SLC39A12: variants seen among roughly 807,000 people sequenced by gnomAD.
SLC39A12 encodes solute carrier family 39 member 12.
In SLC39A12, 63 loss-of-function variants were observed where a neutral mutation model predicts 71.1. That is an observed-to-expected ratio of 0.89 (90% CI 0.72 to 1.09). The LOEUF is 1.09. Ranked by LOEUF, SLC39A12 falls within the 50% of genes least tolerant of loss-of-function variation. The pLI, the probability that SLC39A12 is intolerant of heterozygous loss-of-function variation, is 0.00. For synonymous variants in SLC39A12, 351 were observed against 301.3 expected (o/e 1.16, Z -1.71); for missense variants, 892 against 812.6 (o/e 1.10, Z -1.19).
chr10:17,991,602 C>T (rs923924276), intron 8 of SLC39A12, among the ~76,000 whole-genome samples: 4 of 152,136 alleles, frequency 2.6e-5, no homozygotes, highest in Non-Finnish European at 5.9e-5. Flanking sequence ...TACTAATCAG[C>T]GTTTTGGATA....
chr10:17,953,593 A>C (rs1834464059), intron 2 of SLC39A12, 56 bp downstream of exon 2: 3 of 1,572,730 alleles, frequency 1.9e-6, no homozygotes, highest in Admixed American at 3.6e-5. Context: ...AAAGCAATGG[A>C]TTCTATAGGG....
In SLC39A12 at chr10:18,001,879, T is replaced by C. The variant is rs373695158; in HGVS notation, c.1759+1054T>C. Reference sequence around the variant, plus strand: ...AATGTACAAATTAAATTATGATGACTGTAGTCGTCCTGTTGTGCTATCAAA... The same window carrying C: ...AATGTACAAATTAAATTATGATGACCGTAGTCGTCCTGTTGTGCTATCAAA... On this transcript the variant is annotated intron_variant, in intron 11 of 12. Transcript: ENST00000377369. The C allele has an allele frequency of 7.9e-5, 12 of 152,286 alleles. No individual in the cohort carries two copies. In the East Asian group the frequency reaches 1.9e-3, roughly 24 times the overall value. The allele number at this position is 152,286 out of a possible 1,614,324, so 9.4% of individuals were successfully genotyped here.
At chr10:17,999,478 T>A (rs1835773758) in intron 10 of SLC39A12, among the ~76,000 whole-genome samples, 1 of 152,118 alleles carries the variant, frequency 6.6e-6, no homozygotes, top group Admixed American at 6.6e-5. Context: ...ACTACCAAAA[T>A]AAGTACTATG....
At position 18,000,756 on chromosome 10, in the gene SLC39A12, T is replaced by C. The variant is rs754818312; in HGVS notation, c.1690T>C (p.Ser564Pro). 4.3e-6 allele frequency: 7 copies of C among 1,614,074 alleles called. No homozygotes were observed. The Admixed American group carries it at 1.0e-4, about 23-fold the overall frequency. Residue 564 changes from serine to proline, a missense_variant, in exon 11 of 13, where the codon TCA (serine) becomes CCA (proline). By Grantham distance (74) the Ser-to-Pro change is moderately conservative (BLOSUM62 -1). Transcript: ENST00000377369. ...TGGCCTAGCCATAGGAGCAGCCTTCTCATCATCATCCGAGTCAGGAGTGAC... is the reference window on the plus strand; with the variant it reads ...TGGCCTAGCCATAGGAGCAGCCTTCCCATCATCATCCGAGTCAGGAGTGAC... ...ADGLAIGAAFSSSSESGVTTT... is the reference protein window; with the variant it reads ...ADGLAIGAAFPSSSESGVTTT...
chr10:18,035,911 G>A (rs923237844), intron 12 of SLC39A12, among the ~76,000 whole-genome samples: 5 of 152,158 alleles, frequency 3.3e-5, no homozygotes, highest in African/African-American at 1.2e-4. Flanking sequence ...CCTGCCGTGT[G>A]AGGTGTCAGT....
At chr10:18,022,693 G>T (rs1002447091) in intron 12 of SLC39A12, among the ~76,000 whole-genome samples, 3 of 152,182 alleles carry the variant, frequency 2.0e-5, no homozygotes, top group African/African-American at 7.2e-5. Context: ...CAGTTTGAAT[G>T]TATGGAGACA....
intron 4 of SLC39A12, among the ~76,000 whole-genome samples, chr10:17,966,696 G>A (rs541494319): frequency 6.6e-6 from 1 of 152,120 alleles, no homozygotes; most frequent in East Asian, 1.9e-4. Flanking sequence ...CAGGCTGGGT[G>A]CGGTGGCTCA....
chr10:17,987,393 G>T, intron 6 of SLC39A12, 86 bp from the exon 7 acceptor site: 1 of 1,263,868 alleles, frequency 7.9e-7, no homozygotes, highest in South Asian at 1.3e-5. Context: ...GTTACTGTAA[G>T]ACCAATTCTT....
intron 12 of SLC39A12, among the ~76,000 whole-genome samples, chr10:18,007,676 C>G (rs184097474): frequency 1.5e-4 from 23 of 152,326 alleles, no homozygotes; most frequent in South Asian, 6.2e-4. Flanking sequence ...CATTCCCCCC[C>G]CTTTTTAGAC....
Position 17,981,303 on chromosome 10 carries a change from C to A in SLC39A12, c.925-9C>A. The A allele has an allele frequency of 1.3e-6, 2 of 1,591,674 alleles. No individual in the cohort carries two copies. The highest frequency in any genetic ancestry group is 1.7e-6 in the Non-Finnish European group (2 of 1,167,046). ...AGATTAGTAACAATGTTATGTTTTC[C>A]TCACACAGACCTGCTTCTCTGCTAG... On this transcript the variant is annotated splice_polypyrimidine_tract_variant and intron_variant, in intron 5 of 12. Transcript: ENST00000377369.
intron 12 of SLC39A12, among the ~76,000 whole-genome samples, chr10:18,027,443 A>G (rs1176793811): frequency 3.3e-5 from 5 of 152,232 alleles, no homozygotes; most frequent in African/African-American, 4.8e-5. Flanking sequence ...TCCTCCTACC[A>G]GAAGTATGAG....
chr10:17,965,725 A>C (rs1834809593), intron 4 of SLC39A12, 35 bp downstream of exon 4: 1 of 1,541,226 alleles, frequency 6.5e-7, no homozygotes, highest in African/African-American at 1.4e-5. Context: ...CTTCCAAGTC[A>C]CACCTGCTAA....
chr10:17,997,904 A>AT (rs765297695), intron 10 of SLC39A12, among the ~76,000 whole-genome samples: 97 of 152,362 alleles, frequency 6.4e-4, no homozygotes, highest in Middle Eastern at 3.4e-3. Context: ...GGAACTCAAT[A>AT]TGACTGCCAA....
At chr10:18,036,794 A>ATATATATATTT (rs1554855475) in intron 12 of SLC39A12, among the ~76,000 whole-genome samples, 2 of 92,858 alleles carry the variant, frequency 2.2e-5, no homozygotes, top group East Asian at 4.4e-4. Context: ...ATATATATAT[A>ATATATATATTT]TTTTTTTTTT....
chr10:17,955,682 A>C (rs1489651538), intron 2 of SLC39A12, among the ~76,000 whole-genome samples: 1 of 152,326 alleles, frequency 6.6e-6, no homozygotes, highest in Non-Finnish European at 1.5e-5. Context: ...GTTGGGAGTA[A>C]AAATGCTTCC....
chr10:18,041,112 A>G (rs1349572968), intron 12 of SLC39A12, among the ~76,000 whole-genome samples: 1 of 152,168 alleles, frequency 6.6e-6, no homozygotes, highest in Non-Finnish European at 1.5e-5. Flanking sequence ...TGACTGTGTA[A>G]TGAAAGAGGT....
At chr10:18,030,015 G>C (rs2130889356) in intron 12 of SLC39A12, among the ~76,000 whole-genome samples, 1 of 150,712 alleles carries the variant, frequency 6.6e-6, no homozygotes, top group Admixed American at 6.6e-5. Context: ...TCTGGTATTT[G>C]GTATCCAAGA....
intron 8 of SLC39A12, among the ~76,000 whole-genome samples, chr10:17,991,908 G>A (rs1457749803): frequency 6.6e-6 from 1 of 151,886 alleles, no homozygotes; most frequent in Non-Finnish European, 1.5e-5. Flanking sequence ...GGCCAACATA[G>A]CGAAACGCTG....
chr10:17,977,834 A>C, intron 4 of SLC39A12, 68 bp from the exon 5 acceptor site: 1 of 1,131,998 alleles, frequency 8.8e-7, no homozygotes, highest in Non-Finnish European at 1.2e-6. Context: ...TGCTGTAGCT[A>C]TGTGAAATTG....
Sources: gnomAD v4.1 joint callset for allele counts (sites outside exome capture counted in the v4.1 genomes callset) on GRCh38, gnomAD v4.1.1 for gene constraint, MANE v1.5 for transcripts, NCBI Gene and HGNC (gene_info 2026-07-23, HGNC 2026-07-21) for gene names.